Variants in PLLP observed in about 807,000 individuals in gnomAD.
PLLP encodes the protein plasma membrane proteolipid (plasmolipin).
PLLP carries 15 observed loss-of-function variants against 19.7 expected under a neutral mutation model. The ratio of observed to expected loss-of-function variants is 0.76; its 90% CI spans 0.51 to 1.17. PLLP has a LOEUF of 1.17. PLLP is among the 50% of genes most tolerant of loss of function. The probability of loss-of-function intolerance (pLI) is 0.00; values close to 1 mark genes in which losing one functional copy is unlikely to be tolerated. For missense variants in PLLP, 255 were observed against 258.3 expected, an observed-to-expected ratio of 0.99 and a Z score of 0.09; for synonymous variants, 111 against 116.3, an observed-to-expected ratio of 0.95 and a Z score of 0.29.
intron 1 of PLLP, among the ~76,000 whole-genome samples, chr16:57,264,323 T>C (rs1480261829): frequency 6.6e-6 from 1 of 152,208 alleles, no homozygotes; most frequent in African/African-American, 2.4e-5. Context: ...AGGTGGGGCC[T>C]CGAGCTTGGA....
At chr16:57,265,076 C>A (rs1024662280) in intron 1 of PLLP, among the ~76,000 whole-genome samples, 1 of 152,228 alleles carries the variant, frequency 6.6e-6, no homozygotes, top group South Asian at 2.1e-4. Flanking sequence ...GATCCACCCC[C>A]CAACACACAG....
At chr16:57,258,072 A>G (rs921670608) in intron 3 of PLLP, among the ~76,000 whole-genome samples, 1 of 151,992 alleles carries the variant, frequency 6.6e-6, no homozygotes, top group Non-Finnish European at 1.5e-5. Context: ...AAAATACAAA[A>G]TACAAAAAAA....
At chr16:57,278,045 A>C (rs1901174775) in intron 1 of PLLP, among the ~76,000 whole-genome samples, 1 of 152,140 alleles carries the variant, frequency 6.6e-6, no homozygotes, top group South Asian at 2.1e-4. Flanking sequence ...ACAAGTCTCA[A>C]AACATGAAGA....
intron 1 of PLLP, among the ~76,000 whole-genome samples, chr16:57,263,888 C>T (rs1313720911): frequency 1.3e-5 from 2 of 152,208 alleles, no homozygotes; most frequent in African/African-American, 4.8e-5. Flanking sequence ...CCCTGGTCAG[C>T]GCCCAGGTAC....
chr16:57,256,791 G>C lies in PLLP; in HGVS notation c.*122C>G. The C allele has an allele frequency of 3.0e-6, 2 of 669,734 alleles. No homozygotes were observed. The highest frequency in any genetic ancestry group is 5.2e-5 in the East Asian group (2 of 38,546). 41.5% of individuals were successfully genotyped at this position (669,734 alleles called of 1,614,324 possible). A position where few individuals can be genotyped will look rare whatever the true frequency, so the allele number is the denominator to read the frequency against. On this transcript the variant is annotated 3_prime_UTR_variant, in exon 4 of 4. Transcript: ENST00000219207. ...GCTTATGTCTGACGGGCAGAGAGGAGCAAATGCAGTCCCTGTTGGGCTGAC... is the reference window on the plus strand; with the variant it reads ...GCTTATGTCTGACGGGCAGAGAGGACCAAATGCAGTCCCTGTTGGGCTGAC...
chr16:57,279,320 T>C (rs950614746), intron 1 of PLLP, among the ~76,000 whole-genome samples: 2 of 151,348 alleles, frequency 1.3e-5, no homozygotes, highest in Admixed American at 1.3e-4. Context: ...TGCCACCCCA[T>C]GGATCATGGA....
rs765310149 is a variant in PLLP at position 57,261,920 on chromosome 16, A to G, written c.286T>C (p.Tyr96His). The change falls in exon 2 of 4, where the codon TAC becomes CAC. Residue 96 changes from tyrosine to histidine, a missense_variant. Coordinates refer to ENST00000219207, the MANE Select transcript of PLLP (RefSeq NM_015993.3). Reference protein sequence around the residue: ...LYLFQLHMKLYMVPWPLVLMI... With the variant: ...LYLFQLHMKLHMVPWPLVLMI... ...ACCACCAGTGGCCAGGGAACCATGTACAACTTCATGTGCAGCTGAAACAGG... is the reference window on the plus strand; with the variant it reads ...ACCACCAGTGGCCAGGGAACCATGTGCAACTTCATGTGCAGCTGAAACAGG... 2 of 1,614,066 alleles carry G rather than the reference A, an allele frequency of 1.2e-6. No individual in the cohort carries two copies. Among genetic ancestry groups the G allele is most frequent in the Non-Finnish European group, 1.7e-6 (2 of 1,179,994 alleles).
chr16:57,276,577 G>A (rs1242879487), intron 1 of PLLP, among the ~76,000 whole-genome samples: 1 of 140,262 alleles, frequency 7.1e-6, no homozygotes, highest in African/African-American at 2.7e-5. Flanking sequence ...GGGTGACAGA[G>A]TGAGACTCTG....
chr16:57,276,447 C>T (rs750959151), intron 1 of PLLP, among the ~76,000 whole-genome samples: 7 of 152,080 alleles, frequency 4.6e-5, no homozygotes, highest in Non-Finnish European at 7.4e-5. Flanking sequence ...CAAAAATTAG[C>T]CGGGCTTGGT....
intron 3 of PLLP, 152 bp from the exon 4 acceptor site, chr16:57,257,181 G>A (rs2075428630): frequency 3.2e-6 from 2 of 629,798 alleles, no homozygotes; most frequent in East Asian, 2.7e-5. Flanking sequence ...TGGGGCTGAT[G>A]AGCACCAGGG....
At chr16:57,263,388 G>A (rs1019861004) in intron 1 of PLLP, 10 of 152,278 alleles carry the variant, frequency 6.6e-5, no homozygotes, top group African/African-American at 1.9e-4. Context: ...TCTCCTTACC[G>A]GCTGTGTGGC....
At chr16:57,280,480 C>G (rs1901205897) in intron 1 of PLLP, among the ~76,000 whole-genome samples, 1 of 152,012 alleles carries the variant, frequency 6.6e-6, no homozygotes, top group Non-Finnish European at 1.5e-5. Flanking sequence ...AAATCTGTAG[C>G]ACTGATGCCT....
chr16:57,268,777 C>T (rs1167686752), intron 1 of PLLP, among the ~76,000 whole-genome samples: 1 of 152,204 alleles, frequency 6.6e-6, no homozygotes, highest in African/African-American at 2.4e-5. Flanking sequence ...CTTAGACCAG[C>T]AACCAGCATA....
intron 1 of PLLP, among the ~76,000 whole-genome samples, chr16:57,279,736 G>C (rs1242732520): frequency 6.6e-6 from 1 of 151,470 alleles, no homozygotes; most frequent in Non-Finnish European, 1.5e-5. Context: ...GCAGTGACGT[G>C]ATCATGGCTT....
chr16:57,278,966 C>A (rs1455366030), intron 1 of PLLP, among the ~76,000 whole-genome samples: 1 of 152,204 alleles, frequency 6.6e-6, no homozygotes, highest in East Asian at 1.9e-4. Flanking sequence ...CTCCCAAGTG[C>A]CCAAGGATGG....
intron 1 of PLLP, among the ~76,000 whole-genome samples, chr16:57,262,605 C>T (rs190537023): frequency 2.6e-5 from 4 of 151,938 alleles, no homozygotes; most frequent in East Asian, 3.9e-4. Flanking sequence ...TATGGTGGTG[C>T]GCACCTGTGG....
chr16:57,282,388 GCA>G (rs1367591274), intron 1 of PLLP, among the ~76,000 whole-genome samples: 3 of 151,594 alleles, frequency 2.0e-5, no homozygotes, highest in Non-Finnish European at 4.4e-5. Context: ...GACCACAGGC[GCA>G]TACCACCATG....
At chr16:57,262,161 C>T in intron 1 of PLLP, 91 bp from the exon 2 acceptor site, 1 of 1,280,390 alleles carries the variant, frequency 7.8e-7, no homozygotes, top group Non-Finnish European at 1.1e-6. Context: ...GTGGCTCATG[C>T]CTGTAATGTC....
intron 2 of PLLP, among the ~76,000 whole-genome samples, chr16:57,261,317 T>G (rs2075441133): frequency 6.6e-6 from 1 of 152,128 alleles, no homozygotes; most frequent in South Asian, 2.1e-4. Flanking sequence ...GAAAAATATT[T>G]TTAAGATTCC....
Sources: allele counts gnomAD v4.1 joint callset (sites outside exome capture counted in the v4.1 genomes callset), GRCh38; gene constraint gnomAD v4.1.1; transcripts MANE v1.5; gene names NCBI Gene and HGNC (gene_info 2026-07-23, HGNC 2026-07-21).